LARP1B: variants seen among roughly 807,000 people sequenced by gnomAD.
The protein encoded by LARP1B is la-related protein 1B.
Under a neutral mutation model 114.2 loss-of-function variants are expected in LARP1B, and 76 were observed. The ratio of observed to expected loss-of-function variants is 0.67; its 90% CI spans 0.55 to 0.81. The LOEUF (loss-of-function observed/expected upper bound fraction) is 0.81. LARP1B is among the 30% of genes least tolerant of loss of function. The pLI, the probability that LARP1B is intolerant of heterozygous loss-of-function variation, is 0.00. For missense variants in LARP1B, 1,014 were observed against 1,075.8 expected, an observed-to-expected ratio of 0.94 and a Z score of 0.80; for synonymous variants, 345 against 348.0, an observed-to-expected ratio of 0.99 and a Z score of 0.10.
intron 11 of LARP1B, chr4:128,123,345 A>G (rs1788592489): frequency 1.0e-6 from 1 of 985,144 alleles, no homozygotes; most frequent in African/African-American, 1.7e-5. Context: ...TTCCTAGTGT[A>G]AGCATTGCTA....
chr4:128,075,332 C>T (rs2149394085), intron 3 of LARP1B, among the ~76,000 whole-genome samples: 1 of 152,198 alleles, frequency 6.6e-6, no homozygotes, highest in Middle Eastern at 3.4e-3. Flanking sequence ...AAGTGATCCT[C>T]CTGCCTCAGC....
rs779136300 is a variant in LARP1B at position 128,210,028 on chromosome 4, C to T, written c.2720C>T (p.Pro907Leu). 10 of 1,613,868 alleles carry T rather than the reference C, an allele frequency of 6.2e-6. No homozygotes were observed. Among genetic ancestry groups the T allele is most frequent in the South Asian group, 1.1e-5 (1 of 91,084 alleles). ...PINSPRRNIS[P>L]ESSDNSH ...AACTCTCCCAGAAGGAATATTTCAC[C>T]GGAGTCCAGTGACAATTCACATTAA... Residue 907 changes from proline (P) to leucine (L), a missense_variant, in exon 20 of 20, where the codon CCG becomes CTG. Pro to Leu is a moderately conservative substitution (Grantham distance 98). Transcript: ENST00000326639.
intron 5 of LARP1B, among the ~76,000 whole-genome samples, chr4:128,084,272 C>T (rs1336797964): frequency 6.6e-6 from 1 of 152,140 alleles, no homozygotes; most frequent in African/African-American, 2.4e-5. Context: ...CCAAGGCAGG[C>T]GGCTGGGAGA....
chr4:128,203,275 A>G (rs1756548542), intron 17 of LARP1B, among the ~76,000 whole-genome samples: 1 of 152,112 alleles, frequency 6.6e-6, no homozygotes, highest in South Asian at 2.1e-4. Context: ...AGGGCTTAAC[A>G]CATTAACTTA....
chr4:128,196,664 G>C (rs1013597599), intron 15 of LARP1B, among the ~76,000 whole-genome samples: 1 of 151,182 alleles, frequency 6.6e-6, no homozygotes, highest in African/African-American at 2.4e-5. Context: ...GTGCAATCTC[G>C]GCTCACTGCA....
Position 128,121,614 on chromosome 4 carries a change from G to A in LARP1B, c.1162-212G>A, listed in dbSNP as rs147220660. Among the ~76,000 whole-genome samples the A allele has an allele frequency of 3.5e-3, 532 of 152,328 alleles. 2 individuals carry two copies. Among genetic ancestry groups the A allele is most frequent in the African/African-American group, 0.012 (512 of 41,586 alleles). On this transcript the variant is annotated intron_variant, in intron 10 of 19. Transcript: ENST00000326639. The stretch of plus-strand genomic sequence containing the variant: ...TTCCAACTCTAAAAGAGTCTTTAAT[G>A]TAATCCTTTCTTTATTCAACTTTGT...
At chr4:128,123,738 T>C in intron 11 of LARP1B, 1 of 973,120 alleles carries the variant, frequency 1.0e-6, no homozygotes, top group Non-Finnish European at 1.2e-6. Flanking sequence ...GTGTATAATA[T>C]TTGTTCTGTG....
At chr4:128,145,210 C>G (rs1306605979) in intron 11 of LARP1B, among the ~76,000 whole-genome samples, 3 of 152,112 alleles carry the variant, frequency 2.0e-5, no homozygotes, top group Non-Finnish European at 1.5e-5. Flanking sequence ...AATTCTGTGT[C>G]TCCTCTAGAT....
At chr4:128,208,201 G>C (rs529088414) in intron 19 of LARP1B, among the ~76,000 whole-genome samples, 1 of 151,830 alleles carries the variant, frequency 6.6e-6, no homozygotes, top group African/African-American at 2.4e-5. Context: ...GATGGTGCAC[G>C]TGTGTAATCC....
At chr4:128,201,658 T>A (rs992305936) in intron 17 of LARP1B, among the ~76,000 whole-genome samples, 3 of 152,210 alleles carry the variant, frequency 2.0e-5, no homozygotes, top group Non-Finnish European at 4.4e-5. Context: ...CTTTTCTAAA[T>A]CCTATTCTTT....
intron 11 of LARP1B, among the ~76,000 whole-genome samples, chr4:128,129,025 C>T (rs1472599703): frequency 2.0e-5 from 3 of 151,448 alleles, no homozygotes; most frequent in African/African-American, 4.9e-5. Context: ...ATTAGCCAGG[C>T]GTGATGGTGG....
chr4:128,086,398 G>A (rs958147441), intron 5 of LARP1B, among the ~76,000 whole-genome samples: 5 of 151,998 alleles, frequency 3.3e-5, no homozygotes, highest in African/African-American at 4.8e-5. Flanking sequence ...GCATGATCTC[G>A]GCTCACTGCA....
chr4:128,214,395 G>A (rs1170303203), downstream of LARP1B, among the ~76,000 whole-genome samples: 11 of 147,062 alleles, frequency 7.5e-5, no homozygotes, highest in South Asian at 4.4e-4. Context: ...GCAGACTTAA[G>A]TGTCCCTGTC....
intron 6 of LARP1B, among the ~76,000 whole-genome samples, chr4:128,220,011 G>T (rs1759881190): frequency 6.6e-6 from 1 of 152,054 alleles, no homozygotes; most frequent in Admixed American, 6.6e-5. Flanking sequence ...TCAGCCTCCT[G>T]AGTAGCTGGG....
intron 8 of LARP1B, among the ~76,000 whole-genome samples, chr4:128,104,306 T>C (rs1278790395): frequency 6.6e-6 from 1 of 152,196 alleles, no homozygotes; most frequent in African/African-American, 2.4e-5. Flanking sequence ...AATGGTGTTA[T>C]GACTTTTATA....
chr4:128,204,799 G>A (rs2150928916), intron 17 of LARP1B, among the ~76,000 whole-genome samples: 1 of 151,916 alleles, frequency 6.6e-6, no homozygotes, highest in South Asian at 2.1e-4. Flanking sequence ...TTGCATGCCT[G>A]TATCAAAACA....
chr4:128,129,996 A>C (rs1007789330), intron 11 of LARP1B, among the ~76,000 whole-genome samples: 1 of 152,188 alleles, frequency 6.6e-6, no homozygotes, highest in African/African-American at 2.4e-5. Flanking sequence ...CCATGAAAGA[A>C]ATAATAAGCT....
chr4:128,066,414 G>A (rs1221529957), intron 1 of LARP1B, among the ~76,000 whole-genome samples: 1 of 150,792 alleles, frequency 6.6e-6, no homozygotes, highest in East Asian at 2.0e-4. Flanking sequence ...TGCTGACCTC[G>A]TGATCCGCCG....
In LARP1B at chr4:128,143,796, G is replaced by GGTGTGTGTGTGT. The variant is rs72408437; in HGVS notation, c.1525-18387_1525-18376dup. Among the ~76,000 whole-genome samples the GGTGTGTGTGTGT allele has an allele frequency of 3.3e-3, 483 of 147,926 alleles. 8 individuals carry two copies. Among genetic ancestry groups the GGTGTGTGTGTGT allele is most frequent in the South Asian group, 0.013 (59 of 4,590 alleles). ...TGAACATAGATAAGTTAAGGCACAG[G>GGTGTGTGTGTGT]GTGTGTGTGTGTGTGTGTGTGTATC... On this transcript the variant is annotated intron_variant, in intron 11 of 19. Transcript: ENST00000326639.
Sources: allele counts gnomAD v4.1 joint callset (sites outside exome capture counted in the v4.1 genomes callset), GRCh38; gene constraint gnomAD v4.1.1; transcripts MANE v1.5; gene names NCBI Gene and HGNC (gene_info 2026-07-23, HGNC 2026-07-21).